SDHAF3: variants seen among roughly 807,000 people sequenced by gnomAD.
The protein encoded by SDHAF3 is succinate dehydrogenase complex assembly factor 3.
SDHAF3 carries 18 observed loss-of-function variants against 11.5 expected under a neutral mutation model. The ratio of observed to expected loss-of-function variants is 1.56; its 90% CI spans 1.08 to 2.32. SDHAF3 has a LOEUF of 2.32. Among genes scored for constraint, SDHAF3 ranks in the 30% most tolerant of loss-of-function variants. The pLI, the probability that SDHAF3 is intolerant of heterozygous loss-of-function variation, is 0.00. For missense variants in SDHAF3, 200 were observed against 154.4 expected (o/e 1.30, Z -1.57); for synonymous variants, 72 against 59.3 (o/e 1.21, Z -0.99).
chr7:97,153,309 T>C (rs779455641), intron 1 of SDHAF3, among the ~76,000 whole-genome samples: 1 of 152,216 alleles, frequency 6.6e-6, no homozygotes, highest in African/African-American at 2.4e-5. Context: ...AATGTAGCCT[T>C]TTCAAATTGG....
chr7:97,146,935 G>T (rs929098363), intron 1 of SDHAF3, among the ~76,000 whole-genome samples: 10 of 151,968 alleles, frequency 6.6e-5, no homozygotes, highest in African/African-American at 2.4e-4. Context: ...TAGAGACGGG[G>T]TTTCACCGTG....
chr7:97,129,970 A>G (rs1791641077), intron 1 of SDHAF3, among the ~76,000 whole-genome samples: 1 of 152,164 alleles, frequency 6.6e-6, no homozygotes, highest in African/African-American at 2.4e-5. Context: ...CTGTGGCTGG[A>G]CCAGGCATAC....
chr7:97,181,067 G>A lies in SDHAF3; in HGVS notation c.230G>A (p.Gly77Glu). 2 of 1,613,870 alleles carry A rather than the reference G, an allele frequency of 1.2e-6. No individual in the cohort carries two copies. Among genetic ancestry groups the A allele is most frequent in the Non-Finnish European group, 1.7e-6 (2 of 1,179,906 alleles). The change falls in exon 2 of 2, where the codon GGA becomes GAA. Residue 77 changes from glycine to glutamate, a missense_variant. Transcript: ENST00000432641. ...QANENRQNST[G>E]KACFGTFLPE... ...AACGAAAACAGACAAAATTCAACTG[G>A]AAAAGCATGTTTTGGCACCTTCCTC...
chr7:97,133,423 G>A (rs1028641427), intron 1 of SDHAF3, among the ~76,000 whole-genome samples: 14 of 152,144 alleles, frequency 9.2e-5, no homozygotes, highest in African/African-American at 3.1e-4. Context: ...GTGGGTAGGC[G>A]TGAGAGCTTT....
chr7:97,121,475 T>A (rs1019066334), intron 1 of SDHAF3, among the ~76,000 whole-genome samples: 1 of 152,230 alleles, frequency 6.6e-6, no homozygotes, highest in African/African-American at 2.4e-5. Flanking sequence ...CTGTTCTGTG[T>A]CTGTTGTGGA....
chr7:97,134,897 T>A (rs1380387197), intron 1 of SDHAF3: 1 of 152,222 alleles, frequency 6.6e-6, no homozygotes, highest in Non-Finnish European at 1.5e-5. Context: ...ATTCTAATTT[T>A]GTAATTAAAT....
chr7:97,139,459 A>G (rs940695045), intron 1 of SDHAF3, among the ~76,000 whole-genome samples: 1 of 152,226 alleles, frequency 6.6e-6, no homozygotes, highest in Non-Finnish European at 1.5e-5. Context: ...ACAGTGTAAA[A>G]AAGCCAATTA....
chr7:97,159,582 A>G (rs1789366679), intron 1 of SDHAF3, among the ~76,000 whole-genome samples: 1 of 152,184 alleles, frequency 6.6e-6, no homozygotes, highest in Non-Finnish European at 1.5e-5. Context: ...AAATCACCAA[A>G]TAAGTCATAA....
intron 1 of SDHAF3, among the ~76,000 whole-genome samples, chr7:97,137,645 A>G (rs2115655593): frequency 6.6e-6 from 1 of 152,256 alleles, no homozygotes; most frequent in East Asian, 1.9e-4. Flanking sequence ...AGGACTTTAT[A>G]AGCCTGCCAC....
At chr7:97,135,836 C>T (rs1253938308) in intron 1 of SDHAF3, among the ~76,000 whole-genome samples, 5 of 150,642 alleles carry the variant, frequency 3.3e-5, no homozygotes, top group East Asian at 2.0e-4. Context: ...TACAGGCGCC[C>T]GCCACCACGC....
chr7:97,165,357 CTTTTTTT>C (rs10653828), intron 1 of SDHAF3, among the ~76,000 whole-genome samples: 1 of 77,024 alleles, frequency 1.3e-5, no homozygotes, highest in Admixed American at 1.7e-4. Context: ...ATTTTCCTAC[CTTTTTTT>C]TTTTTTTTTT....
chr7:97,178,637 G>T (rs190798826), intron 1 of SDHAF3, among the ~76,000 whole-genome samples: 2 of 152,042 alleles, frequency 1.3e-5, no homozygotes, highest in African/African-American at 4.8e-5. Context: ...ATCTTTTCAT[G>T]TACTTGGCCA....
At chr7:97,138,544 T>C (rs550940888) in intron 1 of SDHAF3, among the ~76,000 whole-genome samples, 50 of 152,266 alleles carry the variant, frequency 3.3e-4, no homozygotes, top group African/African-American at 1.2e-3. Context: ...ACATTTTAAA[T>C]TTAATATGAG....
Position 97,145,218 on chromosome 7 carries a change from T to G in SDHAF3, c.174+27321T>G, listed in dbSNP as rs186751352. Among the ~76,000 whole-genome samples the G allele has an allele frequency of 1.5e-4, 23 of 152,262 alleles. No individual in the cohort carries two copies. The East Asian group carries it at 3.3e-3, about 22-fold the overall frequency. On this transcript the variant is annotated intron_variant, in intron 1 of 1. Transcript: ENST00000432641. ...TCTAGGAGCTTGATAACATTAATTT[T>G]GTGTGTACATGTAATTTCAGAAATT...
intron 1 of SDHAF3, among the ~76,000 whole-genome samples, chr7:97,123,378 C>T (rs997268614): frequency 3.9e-5 from 6 of 152,118 alleles, no homozygotes; most frequent in Admixed American, 1.3e-4. Context: ...TCCACATTTT[C>T]GGTATCCAGC....
intron 1 of SDHAF3, among the ~76,000 whole-genome samples, chr7:97,141,191 C>A (rs922316890): frequency 6.6e-6 from 1 of 152,146 alleles, no homozygotes; most frequent in African/African-American, 2.4e-5. Flanking sequence ...AACACTGTCT[C>A]CTGATAAGAT....
At chr7:97,154,198 T>C (rs914701313) in intron 1 of SDHAF3, among the ~76,000 whole-genome samples, 2 of 149,334 alleles carry the variant, frequency 1.3e-5, no homozygotes, top group Non-Finnish European at 3.0e-5. Flanking sequence ...AGAACCTTCT[T>C]AAGGGTGGGG....
chr7:97,170,158 A>G (rs1166798341), intron 1 of SDHAF3, among the ~76,000 whole-genome samples: 1 of 152,010 alleles, frequency 6.6e-6, no homozygotes, highest in African/African-American at 2.4e-5. Context: ...TGAACCACAC[A>G]TATTAATGTG....
chr7:97,180,519 G>A (rs1290021912), intron 1 of SDHAF3, among the ~76,000 whole-genome samples: 1 of 152,164 alleles, frequency 6.6e-6, no homozygotes, highest in Non-Finnish European at 1.5e-5. Flanking sequence ...GACAGGACCT[G>A]TACCCAAACT....
Sources: gnomAD v4.1 joint callset for allele counts (sites outside exome capture counted in the v4.1 genomes callset) on GRCh38, gnomAD v4.1.1 for gene constraint, MANE v1.5 for transcripts, NCBI Gene and HGNC (gene_info 2026-07-23, HGNC 2026-07-21) for gene names.